EPS15L1: variants seen among roughly 807,000 people sequenced by gnomAD.
EPS15L1 encodes the protein epidermal growth factor receptor substrate 15-like 1.
In EPS15L1, 43 loss-of-function variants were observed where a neutral mutation model predicts 117.1. The ratio of observed to expected loss-of-function variants is 0.37; its 90% CI spans 0.29 to 0.47. The LOEUF (loss-of-function observed/expected upper bound fraction) is 0.47, where lower values mean the gene tolerates loss of function less well. EPS15L1 is among the 20% of genes least tolerant of loss of function. EPS15L1 has a pLI of 0.99. For missense variants in EPS15L1, 981 were observed against 1,164.0 expected (o/e 0.84, Z 2.29); for synonymous variants, 459 against 470.5 (o/e 0.98, Z 0.32).
intron 1 of EPS15L1, among the ~76,000 whole-genome samples, chr19:16,452,088 A>G (rs2093150402): frequency 6.6e-6 from 1 of 151,630 alleles, no homozygotes; most frequent in Non-Finnish European, 1.5e-5. Flanking sequence ...GCAGTGAGCC[A>G]AGATCACGCC....
At chr19:16,441,244 G>A (rs1158788729) in intron 3 of EPS15L1, 2 of 344,156 alleles carry the variant, frequency 5.8e-6, no homozygotes, top group Non-Finnish European at 5.7e-6. Context: ...GCCAAGGTGG[G>A]CGATTCACCT....
intron 22 of EPS15L1, among the ~76,000 whole-genome samples, chr19:16,374,241 G>T (rs978848762): frequency 6.6e-6 from 1 of 152,184 alleles, no homozygotes; most frequent in Non-Finnish European, 1.5e-5. Context: ...TCCCTCACGG[G>T]TCTTGCTGGG....
intron 5 of EPS15L1, among the ~76,000 whole-genome samples, chr19:16,437,528 G>A (rs367838777): frequency 5.9e-5 from 9 of 152,274 alleles, no homozygotes; most frequent in South Asian, 4.1e-4. Flanking sequence ...GTCTCCTTGC[G>A]GAGGGATGAA....
intron 1 of EPS15L1, among the ~76,000 whole-genome samples, chr19:16,445,788 G>C (rs2093077326): frequency 6.6e-6 from 1 of 152,182 alleles, no homozygotes; most frequent in Admixed American, 6.5e-5. Flanking sequence ...AGCAGAGAGG[G>C]GACGCACCAG....
chr19:16,360,803 T>A (rs894863566), intron 23 of EPS15L1, among the ~76,000 whole-genome samples: 2 of 152,130 alleles, frequency 1.3e-5, no homozygotes, highest in Non-Finnish European at 2.9e-5. Flanking sequence ...GTAGAGATTA[T>A]CAAGACGGCT....
At chr19:16,430,527 G>C (rs1421969526) in intron 7 of EPS15L1, among the ~76,000 whole-genome samples, 1 of 152,234 alleles carries the variant, frequency 6.6e-6, no homozygotes, top group Non-Finnish European at 1.5e-5. Context: ...TGCTGGATGT[G>C]TGTCTTCACG....
intron 21 of EPS15L1, among the ~76,000 whole-genome samples, chr19:16,382,177 C>T (rs912722758): frequency 2.0e-5 from 3 of 152,192 alleles, no homozygotes; most frequent in African/African-American, 4.8e-5. Flanking sequence ...ATTGGCAACT[C>T]GCGAGGCGAC....
chr19:16,369,917 T>C (rs568236773), intron 22 of EPS15L1, among the ~76,000 whole-genome samples: 5 of 152,196 alleles, frequency 3.3e-5, no homozygotes, highest in Non-Finnish European at 7.4e-5. Context: ...ATGCTATCTA[T>C]GCATGAGCCA....
At chr19:16,413,916 T>C in intron 12 of EPS15L1, 71 bp from the exon 13 acceptor site, 2 of 1,165,882 alleles carry the variant, frequency 1.7e-6, no homozygotes, top group Non-Finnish European at 2.6e-6. Context: ...AAGGCCTGAT[T>C]CTGTTCACCC....
intron 21 of EPS15L1, among the ~76,000 whole-genome samples, chr19:16,380,316 G>A (rs567995691): frequency 2.6e-5 from 4 of 152,140 alleles, no homozygotes; most frequent in South Asian, 2.1e-4. Context: ...AGGCTCTGGC[G>A]TCTAATCACA....
intron 22 of EPS15L1, among the ~76,000 whole-genome samples, chr19:16,369,711 G>GTGTGT: frequency 6.6e-6 from 1 of 151,162 alleles, no homozygotes; most frequent in African/African-American, 2.4e-5. Context: ...GTGTGTGTAG[G>GTGTGT]GTGGGGTATG....
chr19:16,393,131 C>T (rs1275849788), intron 18 of EPS15L1, among the ~76,000 whole-genome samples: 6 of 149,050 alleles, frequency 4.0e-5, no homozygotes, highest in East Asian at 3.9e-4. Flanking sequence ...TAATAAACAA[C>T]GCAGGTAAAT....
In EPS15L1 at chr19:16,365,719, C is replaced by G. The variant is rs76898909; in HGVS notation, c.2381-3735G>C. 0.012 allele frequency among the ~76,000 whole-genome samples: 1,773 copies of G among 152,320 alleles called. 32 individuals carry two copies. The highest frequency in any genetic ancestry group is 0.041 in the African/African-American group (1,702 of 41,568). On this transcript the variant is annotated intron_variant, in intron 22 of 23. Coordinates refer to ENST00000455140, the MANE Select transcript of EPS15L1 (RefSeq NM_001258374.3). This position sits in a 1 kb window ranked among gnomAD's most constrained non-coding sequence, Gnocchi z 4.9. Reference sequence around the variant, plus strand: ...CAGCTTCTCCCTCCACGGGAAAGCCCCCCCTCCCCCAGGGTCCCTCACCAC... The same window carrying G: ...CAGCTTCTCCCTCCACGGGAAAGCCGCCCCTCCCCCAGGGTCCCTCACCAC...
intron 12 of EPS15L1, among the ~76,000 whole-genome samples, chr19:16,414,461 C>A (rs1046851457): frequency 5.3e-5 from 8 of 151,826 alleles, no homozygotes; most frequent in Admixed American, 2.0e-4. Context: ...AGTGCAGTGG[C>A]GCAATCTCAG....
intron 19 of EPS15L1, 38 bp downstream of exon 19, chr19:16,392,266 G>A (rs762488898): frequency 6.2e-7 from 1 of 1,611,856 alleles, no homozygotes; most frequent in Non-Finnish European, 8.5e-7. Flanking sequence ...CACAGAGCAG[G>A]CACGCAGCTC....
At position 16,404,583 on chromosome 19, in the gene EPS15L1, C is replaced by T; in HGVS notation, c.1428+5G>A. 1 of 1,614,032 alleles carries T rather than the reference C, an allele frequency of 6.2e-7. No homozygotes were observed. Among genetic ancestry groups the T allele is most frequent in the Non-Finnish European group, 8.5e-7 (1 of 1,179,990 alleles). ...GGCGCTGCCCCGGAGGTGGCCGGGA[C>T]CCACCATCTGAGTCTCATCCTGGCA... On this transcript the variant is annotated splice_donor_5th_base_variant and intron_variant, in intron 14 of 23. Coordinates refer to ENST00000455140, the MANE Select transcript of EPS15L1 (RefSeq NM_001258374.3). This position sits in a 1 kb window ranked among gnomAD's most constrained non-coding sequence, Gnocchi z 4.2.
At chr19:16,465,949 G>C (rs1366130691) in intron 1 of EPS15L1, among the ~76,000 whole-genome samples, 1 of 151,840 alleles carries the variant, frequency 6.6e-6, no homozygotes, top group African/African-American at 2.4e-5. Context: ...TACAAACTTG[G>C]GCAAGGGACG....
intron 16 of EPS15L1, 41 bp downstream of exon 16, chr19:16,402,280 G>T (rs751265283): frequency 4.5e-6 from 7 of 1,552,902 alleles, no homozygotes; most frequent in East Asian, 2.3e-5. Flanking sequence ...CACACCAGGG[G>T]ACCAGAGCCC....
chr19:16,385,093 T>G (rs760032001), intron 21 of EPS15L1, 36 bp downstream of exon 21: 8 of 1,552,540 alleles, frequency 5.2e-6, no homozygotes, highest in African/African-American at 2.7e-5. Context: ...ACAAAGACAC[T>G]AGCAGAGGCG....
Sources: allele counts gnomAD v4.1 joint callset (sites outside exome capture counted in the v4.1 genomes callset), GRCh38; gene constraint gnomAD v4.1.1; non-coding constraint Gnocchi (gnomAD v3.1); transcripts MANE v1.5; gene names NCBI Gene and HGNC (gene_info 2026-07-23, HGNC 2026-07-21).